Variants in DLGAP1 observed in about 807,000 individuals in gnomAD.
DLGAP1 encodes DLG associated protein 1, also known as disks large-associated protein 1.
Under a neutral mutation model 90.8 loss-of-function variants are expected in DLGAP1, and 11 were observed. The ratio of observed to expected loss-of-function variants is 0.12; its 90% confidence interval spans 0.08 to 0.20. The LOEUF is 0.20. Among genes scored for constraint, DLGAP1 ranks in the 10% least tolerant of loss-of-function variants. The pLI, the probability that DLGAP1 is intolerant of heterozygous loss-of-function variation, is 1.00. For synonymous variants in DLGAP1, 558 were observed against 540.7 expected (o/e 1.03, Z -0.44); for missense variants, 1,050 against 1,333.8 (o/e 0.79, Z 3.31).
chr18:4,233,093 T>C (rs903849883), intron 1 of DLGAP1, among the ~76,000 whole-genome samples: 2 of 152,226 alleles, frequency 1.3e-5, no homozygotes, highest in African/African-American at 4.8e-5. Context: ...CAGTCTCCCA[T>C]ACCTTTCATC....
rs374121369 is a variant in DLGAP1 at position 4,094,361 on chromosome 18, G to A, written c.-159+56819C>T. Among the ~76,000 whole-genome samples the A allele has an allele frequency of 1.6e-3, 247 of 151,978 alleles. 2 individuals carry two copies. In the South Asian group the frequency reaches 0.027, roughly 17 times the overall value. On this transcript the variant is annotated intron_variant, in intron 2 of 12. Coordinates refer to ENST00000315677, the MANE Select transcript of DLGAP1 (RefSeq NM_004746.4). ...CTGATTTTATTGAAAATGCCTTTAT[G>A]GTACACGGTTATGTATAACATTGAT...
At chr18:4,191,009 TAATTTAGAAAGAGAAAG>T (rs2077388702) in intron 1 of DLGAP1, among the ~76,000 whole-genome samples, 1 of 152,176 alleles carries the variant, frequency 6.6e-6, no homozygotes, top group Non-Finnish European at 1.5e-5. Context: ...ATTAATCCCT[TAATTTAGAAAGAGAAAG>T]TATCTAGAAA....
chr18:4,189,454 A>G (rs1392812301), intron 1 of DLGAP1, among the ~76,000 whole-genome samples: 1 of 152,170 alleles, frequency 6.6e-6, no homozygotes, highest in Admixed American at 6.5e-5. Context: ...TTGAAACTAC[A>G]AAGCTCTGAT....
At chr18:4,448,562 G>A (rs1433745551) in intron 1 of DLGAP1, among the ~76,000 whole-genome samples, 1 of 152,086 alleles carries the variant, frequency 6.6e-6, no homozygotes, top group South Asian at 2.1e-4. Context: ...AAAACATGGT[G>A]CATGTTCGCA....
chr18:4,171,568 A>T (rs2077026585), intron 1 of DLGAP1, among the ~76,000 whole-genome samples: 1 of 151,866 alleles, frequency 6.6e-6, no homozygotes, highest in African/African-American at 2.4e-5. Context: ...CCATCTCAAA[A>T]AAAAAAAAAG....
chr18:4,021,268 C>T (rs113749653), intron 2 of DLGAP1, among the ~76,000 whole-genome samples: 3,748 of 152,292 alleles, frequency 0.025, 144 homozygotes, highest in African/African-American at 0.082. Flanking sequence ...GGAGCAGTTA[C>T]ACCTGGTGGG....
intron 1 of DLGAP1, among the ~76,000 whole-genome samples, chr18:4,334,697 T>C (rs538443787): frequency 6.6e-6 from 1 of 151,794 alleles, no homozygotes; most frequent in Non-Finnish European, 1.5e-5. Flanking sequence ...TAGGGCAGGG[T>C]GGGAAGAGGT....
At chr18:3,715,955 G>T (rs2061746239) in intron 7 of DLGAP1, among the ~76,000 whole-genome samples, 1 of 152,116 alleles carries the variant, frequency 6.6e-6, no homozygotes. Context: ...AACCTCACTT[G>T]CTACCAGTAT....
At chr18:4,229,721 C>T (rs1027597128) in intron 1 of DLGAP1, among the ~76,000 whole-genome samples, 1 of 151,778 alleles carries the variant, frequency 6.6e-6, no homozygotes, top group Non-Finnish European at 1.5e-5. Flanking sequence ...GAAACTACTA[C>T]AAGAAAACAT....
intron 7 of DLGAP1, among the ~76,000 whole-genome samples, chr18:3,647,757 G>A (rs62083218): frequency 0.18 from 27,757 of 151,990 alleles, 2,653 homozygotes; most frequent in Non-Finnish European, 0.19. Flanking sequence ...GAGCCACCAC[G>A]CCCGGTCTAT....
intron 2 of DLGAP1, among the ~76,000 whole-genome samples, chr18:4,026,271 C>T (rs1001065451): frequency 2.0e-5 from 3 of 152,164 alleles, no homozygotes; most frequent in African/African-American, 7.2e-5. Context: ...GTGGATTTTT[C>T]ACTAAAAGGG....
Position 4,367,667 on chromosome 18 carries a change from G to T in DLGAP1, c.-267+87339C>A, listed in dbSNP as rs192849984. The stretch of plus-strand genomic sequence containing the variant: ...GATCGAGACCATCTTGGCTAACATG[G>T]TGAAACCCCATTTCTACTAAAAATA... On this transcript the variant is annotated intron_variant, in intron 1 of 12. Coordinates refer to ENST00000315677, the MANE Select transcript of DLGAP1 (RefSeq NM_004746.4). Among the ~76,000 whole-genome samples, 3 of 152,164 alleles carry T rather than the reference G, an allele frequency of 2.0e-5. No individual in the cohort carries two copies. The East Asian group carries it at 5.8e-4, about 30-fold the overall frequency.
At chr18:3,885,242 AATGTTT>A (rs2071278104) in intron 3 of DLGAP1, 1 of 152,100 alleles carries the variant, frequency 6.6e-6, no homozygotes, top group African/African-American at 2.4e-5. Flanking sequence ...TCTCCTAATT[AATGTTT>A]ATAAGTTGTA....
chr18:3,972,692 TTGTTA>T (rs912237183), intron 3 of DLGAP1, among the ~76,000 whole-genome samples: 3 of 152,170 alleles, frequency 2.0e-5, no homozygotes, highest in Non-Finnish European at 4.4e-5. Context: ...CGTAGGAACT[TTGTTA>T]TGTTGAGCTC....
chr18:3,543,166 ATTTT>A (rs76751283), intron 9 of DLGAP1, among the ~76,000 whole-genome samples: 2 of 64,154 alleles, frequency 3.1e-5, no homozygotes, highest in East Asian at 7.7e-4. Flanking sequence ...CATGACTCCA[ATTTT>A]TTTTTTTTTT....
intron 1 of DLGAP1, among the ~76,000 whole-genome samples, chr18:4,302,510 A>AT (rs2080150792): frequency 2.1e-5 from 3 of 143,682 alleles, no homozygotes; most frequent in East Asian, 2.0e-4. Context: ...TGTATTTTTA[A>AT]ATTTTTTTTA....
At chr18:3,804,461 ACTAGGGATGG>A (rs1020946762) in intron 5 of DLGAP1, among the ~76,000 whole-genome samples, 55 of 152,206 alleles carry the variant, frequency 3.6e-4, no homozygotes, top group African/African-American at 1.3e-3. Flanking sequence ...GGATAACAAT[ACTAGGGATGG>A]CTGCGTGGAT....
At chr18:3,828,590 T>TGATCA (rs1021007420) in intron 4 of DLGAP1, among the ~76,000 whole-genome samples, 1 of 131,090 alleles carries the variant, frequency 7.6e-6, no homozygotes, top group African/African-American at 3.0e-5. Context: ...CAGTGAGTTG[T>TGATCA]GATCAGGCCA....
At position 4,378,936 on chromosome 18, in the gene DLGAP1, CAG is replaced by C. The variant is rs1341424615; in HGVS notation, c.-267+76068_-267+76069del. ...CAACTACACACCCACCACTCCCCTC[CAG>C]AGAGAGTGAGTCCCTGCTTATCCAT... is the stretch of plus-strand genomic sequence containing the variant. On this transcript the variant is annotated intron_variant, in intron 1 of 12. Coordinates refer to ENST00000315677, the MANE Select transcript of DLGAP1 (RefSeq NM_004746.4). The surrounding 1 kb of genome is among the most constrained non-coding windows in gnomAD (Gnocchi z 4.5). Among the ~76,000 whole-genome samples, 1 of 152,130 alleles carries C rather than the reference CAG, an allele frequency of 6.6e-6. No homozygotes were observed. Among genetic ancestry groups the C allele is most frequent in the Non-Finnish European group, 1.5e-5 (1 of 68,024 alleles).
Sources: gnomAD v4.1 joint callset for allele counts (sites outside exome capture counted in the v4.1 genomes callset) on GRCh38, gnomAD v4.1.1 for gene constraint, Gnocchi (gnomAD v3.1) non-coding constraint, MANE v1.5 for transcripts, NCBI Gene and HGNC (gene_info 2026-07-23, HGNC 2026-07-21) for gene names.